LIF: variants seen among roughly 807,000 people sequenced by gnomAD.
LIF encodes the protein LIF interleukin 6 family cytokine.
A neutral mutation model predicts 15.0 loss-of-function variants in LIF; 9 were observed. The ratio of observed to expected loss-of-function variants is 0.60; its 90% CI spans 0.36 to 1.04. The LOEUF (loss-of-function observed/expected upper bound fraction) is 1.04, where lower values mean the gene tolerates loss of function less well. Ranked by LOEUF, LIF falls within the 50% of genes least tolerant of loss-of-function variation. The pLI is 0.01. For missense variants in LIF, 240 were observed against 266.7 expected (o/e 0.90, Z 0.70); for synonymous variants, 122 against 119.7 (o/e 1.02, Z -0.13).
rs1569144406 is a variant in LIF at position 30,243,304 on chromosome 22, G to A, written c.*347C>T. ...CTGGGCCCTGCTGTCTCACCCTGTG[G>A]TCAGGGCTCTTGTAGATGACTTGTG... On this transcript the variant is annotated 3_prime_UTR_variant, in exon 3 of 3. Coordinates refer to ENST00000249075, the MANE Select transcript of LIF (RefSeq NM_002309.5). This position sits in a 1 kb window ranked among gnomAD's most constrained non-coding sequence, Gnocchi z 6.0. The A allele has an allele frequency of 1.2e-5, 5 of 400,534 alleles. No homozygotes were observed. The highest frequency in any genetic ancestry group is 2.4e-5 in the Non-Finnish European group (5 of 211,652). 24.8% of individuals were successfully genotyped at this position (400,534 alleles called of 1,614,324 possible). A position where few individuals can be genotyped will look rare whatever the true frequency, so the allele number is the denominator to read the frequency against.
chr22:30,244,685 G>C (rs1928808532), intron 2 of LIF, 70 bp downstream of exon 2: 2 of 1,460,712 alleles, frequency 1.4e-6, no homozygotes, highest in South Asian at 2.3e-5. Flanking sequence ...ACCCAGATCA[G>C]GACAGCCCCT....
chr22:30,244,169 G>T, intron 2 of LIF, 108 bp from the exon 3 acceptor site: 1 of 1,040,230 alleles, frequency 9.6e-7, no homozygotes, highest in Non-Finnish European at 1.4e-6. Flanking sequence ...AGCGCATGAG[G>T]ACCCAACTCC....
In LIF at chr22:30,241,886, G is replaced by C. The variant is rs924388249; in HGVS notation, c.*1765C>G. The C allele has an allele frequency of 1.3e-5, 2 of 152,342 alleles. No individual in the cohort carries two copies. The highest frequency in any genetic ancestry group is 3.9e-4 in the East Asian group (2 of 5,178). 9.4% of individuals were successfully genotyped at this position (152,342 alleles called of 1,614,324 possible). A position where few individuals can be genotyped will look rare whatever the true frequency, so the allele number is the denominator to read the frequency against. Reference sequence around the variant, plus strand: ...GAGGGCCCACAGCTTCCTGGTCTGAGTCCCAGGCATCTGCAGCCTCCCTCT... The same window carrying C: ...GAGGGCCCACAGCTTCCTGGTCTGACTCCCAGGCATCTGCAGCCTCCCTCT... On this transcript the variant is annotated 3_prime_UTR_variant, in exon 3 of 3. Coordinates refer to ENST00000249075, the MANE Select transcript of LIF (RefSeq NM_002309.5). The surrounding 1 kb of genome is among the most constrained non-coding windows in gnomAD (Gnocchi z 4.4).
In LIF at chr22:30,246,745, T is replaced by C; in HGVS notation, c.-50A>G. 6.5e-7 allele frequency: 1 copy of C among 1,544,184 alleles called. No homozygotes were observed. The highest frequency in any genetic ancestry group is 1.2e-5 in the South Asian group (1 of 83,996). On this transcript the variant is annotated 5_prime_UTR_variant, in exon 1 of 3. Transcript: ENST00000249075. ...TGGAGGAAACCTCAGATGCCGGCAG[T>C]TTTCAGAGGTTCATGCTCAAATGGG...
At chr22:30,246,486 G>T (rs1490616086) in intron 1 of LIF, 191 bp downstream of exon 1, 5 of 1,232,626 alleles carry the variant, frequency 4.1e-6, no homozygotes, top group East Asian at 3.6e-5. Context: ...GCCGCGGGGC[G>T]TGCGGTGCTT....
In LIF at chr22:30,244,067, G is replaced by T. The variant is rs374000775; in HGVS notation, c.199-6C>A. ...GGCTCCCCCTGGGCTGTGTACTGAG[G>T]GGCAGAAGGGAGGTGACGTGGGAGT... On this transcript the variant is annotated splice_region_variant and splice_polypyrimidine_tract_variant and intron_variant, in intron 2 of 2. Transcript: ENST00000249075. 1.4e-4 allele frequency: 216 copies of T among 1,595,176 alleles called. 1 individual carries two copies. The African/African-American group carries it at 2.6e-3, about 19-fold the overall frequency.
In LIF at chr22:30,243,837, G is replaced by A. The variant is rs1189500484; in HGVS notation, c.423C>T (p.Ala141=). 6.8e-6 allele frequency: 11 copies of A among 1,614,122 alleles called. No homozygotes were observed. The highest frequency in any genetic ancestry group is 1.1e-5 in the South Asian group (1 of 91,092). ...LSLHSKLNAT[A]DILRGLLSNV... is the part of the protein sequence containing the mutation. ...TGCTAAGGAGGCCTCGCAGGATGTC[G>A]GCGGTGGCGTTGAGCTTGCTGTGGA... The change falls in exon 3 of 3, where the codon GCC becomes GCT. Residue 141 remains alanine, a synonymous_variant. Transcript: ENST00000249075. This position sits in a 1 kb window ranked among gnomAD's most constrained non-coding sequence, Gnocchi z 6.0.
At position 30,243,400 on chromosome 22, in the gene LIF, C is replaced by A; in HGVS notation, c.*251G>T. 1.7e-6 allele frequency: 1 copy of A among 584,496 alleles called. No homozygotes were observed. Among genetic ancestry groups the A allele is most frequent in the South Asian group, 2.0e-5 (1 of 50,536 alleles). The allele number at this position is 584,496 out of a possible 1,614,324, so 36.2% of individuals were successfully genotyped here. ...TAGAGGCAGAAGTCCAGCCCACGCT[C>A]CCCAGTCCACAATCTCCCAGAGGAA... is the stretch of plus-strand genomic sequence containing the variant. On this transcript the variant is annotated 3_prime_UTR_variant, in exon 3 of 3. Transcript: ENST00000249075. This position sits in a 1 kb window ranked among gnomAD's most constrained non-coding sequence, Gnocchi z 6.0.
In LIF at chr22:30,244,107, C is replaced by CCT. The variant is rs758219660; in HGVS notation, c.199-47_199-46insAG. The CCT allele has an allele frequency of 4.5e-6, 7 of 1,553,438 alleles. No homozygotes were observed. The Admixed American group carries it at 1.2e-4, about 27-fold the overall frequency. On this transcript the variant is annotated intron_variant, in intron 2 of 2. Coordinates refer to ENST00000249075, the MANE Select transcript of LIF (RefSeq NM_002309.5). The stretch of plus-strand genomic sequence containing the variant: ...GACGTGGGAGTCAGGGGTCAGTGTC[C>CCT]CAGCCCTGCCGCCAACCCTTTGGGC...
Position 30,243,557 on chromosome 22 carries a change from G to A in LIF, c.*94C>T, listed in dbSNP as rs1569144499. 30 of 1,539,112 alleles carry A rather than the reference G, an allele frequency of 1.9e-5. No homozygotes were observed. Among genetic ancestry groups the A allele is most frequent in the South Asian group, 4.5e-5 (4 of 89,158 alleles). On this transcript the variant is annotated 3_prime_UTR_variant, in exon 3 of 3. Coordinates refer to ENST00000249075, the MANE Select transcript of LIF (RefSeq NM_002309.5). This position sits in a 1 kb window ranked among gnomAD's most constrained non-coding sequence, Gnocchi z 6.0. ...CCAGCAGCCCCCATTTGGGTTTAGC[G>A]ATGCCCTGGGCCCCAGCCACCCTTG...
At chr22:30,245,925 T>TC (rs1467348821) in intron 1 of LIF, among the ~76,000 whole-genome samples, 1 of 151,996 alleles carries the variant, frequency 6.6e-6, no homozygotes, top group African/African-American at 2.4e-5. Flanking sequence ...TTCTCCCGAC[T>TC]CCCCCCAGGC....
chr22:30,244,297 A>G (rs1928790163), intron 2 of LIF, among the ~76,000 whole-genome samples: 1 of 152,090 alleles, frequency 6.6e-6, no homozygotes, highest in African/African-American at 2.4e-5. Flanking sequence ...CATCATCATC[A>G]TCACCACCCT....
At position 30,244,914 on chromosome 22, in the gene LIF, C is replaced by T. The variant is rs757103231; in HGVS notation, c.39G>A (p.Leu13=). 7 of 1,614,082 alleles carry T rather than the reference C, an allele frequency of 4.3e-6. No individual in the cohort carries two copies. The highest frequency in any genetic ancestry group is 1.3e-5 in the African/African-American group (1 of 75,026). Residue 13 remains leucine (L), a synonymous_variant, in exon 2 of 3, where the codon TTG becomes TTA. Coordinates refer to ENST00000249075, the MANE Select transcript of LIF (RefSeq NM_002309.5). ...VLAAGVVPLL[L]VLHWKHGAGS... Reference sequence around the variant, plus strand: ...CCGCCCCATGTTTCCAGTGCAGAACCAACAGCAGGGGCACAACTCCTGGGG... The same window carrying T: ...CCGCCCCATGTTTCCAGTGCAGAACTAACAGCAGGGGCACAACTCCTGGGG...
chr22:30,245,073 T>C, intron 1 of LIF, 140 bp from the exon 2 acceptor site: 1 of 767,960 alleles, frequency 1.3e-6, no homozygotes, highest in Non-Finnish European at 2.2e-6. Context: ...GCTGTCTTCC[T>C]GGGGCCTAGT....
At chr22:30,246,635 C>G in intron 1 of LIF, 42 bp downstream of exon 1, 2 of 1,544,606 alleles carry the variant, frequency 1.3e-6, no homozygotes, top group Non-Finnish European at 1.8e-6. Flanking sequence ...CGCCGCGCCC[C>G]GCAGCGGGGA....
intron 2 of LIF, 34 bp from the exon 3 acceptor site, chr22:30,244,095 G>A (rs1254515671): frequency 1.6e-5 from 25 of 1,577,910 alleles, no homozygotes; most frequent in Non-Finnish European, 2.0e-5. Flanking sequence ...GTGGGAGTCA[G>A]GGGTCAGTGT....
At chr22:30,245,914 G>A (rs757732749) in intron 1 of LIF, among the ~76,000 whole-genome samples, 11 of 152,152 alleles carry the variant, frequency 7.2e-5, no homozygotes, top group Non-Finnish European at 1.2e-4. Flanking sequence ...AGGGGGGCCT[G>A]TTCTCCCGAC....
rs758272580 is a variant in LIF, at chr22:30,242,113, G to A, written c.*1538C>T. 6.5e-6 allele frequency: 1 copy of A among 152,930 alleles called. No individual in the cohort carries two copies. The highest frequency in any genetic ancestry group is 1.5e-5 in the Non-Finnish European group (1 of 68,258). The allele number at this position is 152,930 out of a possible 1,614,324, so 9.5% of individuals were successfully genotyped here. Reference sequence around the variant, plus strand: ...GGCAGCATGGGGACACAGAAACAAGGACAGGGTGGGCCACAAGGACTGTCT... The same window carrying A: ...GGCAGCATGGGGACACAGAAACAAGAACAGGGTGGGCCACAAGGACTGTCT... On this transcript the variant is annotated 3_prime_UTR_variant, in exon 3 of 3. Coordinates refer to ENST00000249075, the MANE Select transcript of LIF (RefSeq NM_002309.5).
At chr22:30,245,992 G>A (rs1928873570) in intron 1 of LIF, among the ~76,000 whole-genome samples, 1 of 152,220 alleles carries the variant, frequency 6.6e-6, no homozygotes, top group Non-Finnish European at 1.5e-5. Context: ...GGTGGGGGCC[G>A]GGGTCAGCGG....
Sources: allele counts gnomAD v4.1 joint callset (sites outside exome capture counted in the v4.1 genomes callset), GRCh38; gene constraint gnomAD v4.1.1; non-coding constraint Gnocchi (gnomAD v3.1); transcripts MANE v1.5; gene names NCBI Gene and HGNC (gene_info 2026-07-23, HGNC 2026-07-21).